WNK1: variants seen among roughly 807,000 people sequenced by gnomAD.
The protein encoded by WNK1 is WNK lysine deficient protein kinase 1.
WNK1 carries 38 observed loss-of-function variants against 222.8 expected under a neutral mutation model. That is an observed-to-expected ratio of 0.17 (90% CI 0.13 to 0.22). The LOEUF (loss-of-function observed/expected upper bound fraction) is 0.22. Among genes scored for constraint, WNK1 ranks in the 10% least tolerant of loss-of-function variants. WNK1 has a pLI of 1.00. For missense variants in WNK1, 2,348 were observed against 2,918.4 expected (o/e 0.80, Z 4.50); for synonymous variants, 1,090 against 1,092.9 (o/e 1.00, Z 0.05).
chr12:833,995 A>C (rs1312829932), intron 4 of WNK1, among the ~76,000 whole-genome samples: 1 of 152,234 alleles, frequency 6.6e-6, no homozygotes, highest in Non-Finnish European at 1.5e-5. Flanking sequence ...AATGGAGACA[A>C]GCACTAAGGA....
intron 1 of WNK1, among the ~76,000 whole-genome samples, chr12:776,412 T>TTATGTG (rs371184829): frequency 6.8e-6 from 1 of 146,112 alleles, no homozygotes. Context: ...GTTTGTGTGT[T>TTATGTG]TGTGTGTGTG....
intron 1 of WNK1, among the ~76,000 whole-genome samples, chr12:806,307 G>A (rs1274314170): frequency 6.6e-6 from 1 of 152,146 alleles, no homozygotes; most frequent in Non-Finnish European, 1.5e-5. Context: ...GTAGTGGGTT[G>A]TTTTTGGAAA....
At chr12:792,751 G>T (rs1944964022) in intron 1 of WNK1, among the ~76,000 whole-genome samples, 1 of 151,802 alleles carries the variant, frequency 6.6e-6, no homozygotes, top group Admixed American at 6.6e-5. Flanking sequence ...TTACTCCTTT[G>T]CCCAGAGGCA....
At chr12:805,577 C>T (rs771075314) in intron 1 of WNK1, among the ~76,000 whole-genome samples, 9 of 152,050 alleles carry the variant, frequency 5.9e-5, no homozygotes, top group Non-Finnish European at 1.3e-4. Flanking sequence ...TGGCTGTCTT[C>T]CTTTATAAAT....
intron 9 of WNK1, among the ~76,000 whole-genome samples, chr12:877,051 CATT>C (rs1263996333): frequency 3.4e-4 from 37 of 109,308 alleles, no homozygotes; most frequent in Admixed American, 3.0e-3. Flanking sequence ...CCCTAAACTT[CATT>C]TTTTTTTTTT....
chr12:763,358 T>C lies in WNK1; in HGVS notation c.759+9034T>C, dbSNP rs928977509. 3.4e-5 allele frequency among the ~76,000 whole-genome samples: 5 copies of C among 146,398 alleles called. 1 individual carries two copies. Among genetic ancestry groups the C allele is most frequent in the Non-Finnish European group, 7.6e-5 (5 of 65,586 alleles). On this transcript the variant is annotated intron_variant, in intron 1 of 27. Coordinates refer to ENST00000315939, the MANE Select transcript of WNK1 (RefSeq NM_018979.4). ...CAACACTTTGGGAGGCCGAGGTTAG[T>C]GGATAACCTGAGGTCAGAAGTTGGA... is the stretch of plus-strand genomic sequence containing the variant.
At chr12:900,828 A>G in intron 26 of WNK1, 158 bp downstream of exon 26, 1 of 920,888 alleles carries the variant, frequency 1.1e-6, no homozygotes. Flanking sequence ...GTGGAGTGAT[A>G]ATGAGAATCG....
intron 1 of WNK1, among the ~76,000 whole-genome samples, chr12:790,689 A>G (rs1402706689): frequency 6.6e-6 from 1 of 152,224 alleles, no homozygotes; most frequent in African/African-American, 2.4e-5. Context: ...ACTGCTAATC[A>G]CAGTTTTAAA....
intron 8 of WNK1, among the ~76,000 whole-genome samples, 158 bp from the exon 9 acceptor site, chr12:871,106 CA>C (rs1223433567): frequency 6.6e-6 from 1 of 152,166 alleles, no homozygotes; most frequent in Non-Finnish European, 1.5e-5. Context: ...ATTTTTCTTA[CA>C]AAAGTTGACC....
chr12:898,528 G>T (rs373362600), intron 25 of WNK1, among the ~76,000 whole-genome samples: 18 of 150,168 alleles, frequency 1.2e-4, no homozygotes, highest in African/African-American at 4.4e-4. Flanking sequence ...TAAAATCAAA[G>T]AAATAGTTAA....
At chr12:882,510 T>C (rs1953265815) in intron 14 of WNK1, among the ~76,000 whole-genome samples, 1 of 152,236 alleles carries the variant, frequency 6.6e-6, no homozygotes, top group Admixed American at 6.5e-5. Context: ...AGTACTCTTC[T>C]CATTTCATGC....
chr12:879,410 TTAACAC>T (rs1459452413), intron 10 of WNK1, among the ~76,000 whole-genome samples, 157 bp from the exon 11 acceptor site: 1 of 151,250 alleles, frequency 6.6e-6, no homozygotes, highest in Non-Finnish European at 1.5e-5. Context: ...GCATATTAAC[TTAACAC>T]TAATGTATGC....
intron 1 of WNK1, among the ~76,000 whole-genome samples, chr12:797,041 T>G (rs1024776002): frequency 5.9e-5 from 9 of 152,214 alleles, no homozygotes; most frequent in Non-Finnish European, 1.2e-4. Flanking sequence ...ATATAAACAA[T>G]TCCCAGACTT....
intron 1 of WNK1, among the ~76,000 whole-genome samples, chr12:784,077 C>T (rs1944019372): frequency 6.7e-6 from 1 of 150,070 alleles, no homozygotes; most frequent in Non-Finnish European, 1.5e-5. Flanking sequence ...AAAAAGTATC[C>T]AGGCACAGTG....
chr12:869,238 A>G, intron 8 of WNK1: 5 of 1,317,390 alleles, frequency 3.8e-6, no homozygotes, highest in Non-Finnish European at 5.5e-6. Context: ...GAGTTTCCCC[A>G]TCTTTGGGGG....
intron 1 of WNK1, among the ~76,000 whole-genome samples, 166 bp downstream of exon 1, chr12:754,490 T>C (rs1389513236): frequency 6.6e-6 from 1 of 152,186 alleles, no homozygotes; most frequent in Non-Finnish European, 1.5e-5. Context: ...GTGGAGCATG[T>C]GCCTAGGTGT....
chr12:774,231 T>G (rs1251324181), intron 1 of WNK1, among the ~76,000 whole-genome samples: 1 of 152,234 alleles, frequency 6.6e-6, no homozygotes, highest in Non-Finnish European at 1.5e-5. Context: ...GGAAAGTTTT[T>G]ACCATTATTG....
chr12:822,087 C>CTTTTTTTTTTTTTTTTTTTTTT (rs376271992), intron 2 of WNK1, among the ~76,000 whole-genome samples: 2 of 71,430 alleles, frequency 2.8e-5, no homozygotes, highest in Non-Finnish European at 5.0e-5. Context: ...TGTCTTATAC[C>CTTTTTTTTTTTTTTTTTTTTTT]TTTTTTTTTT....
At chr12:901,125 A>G in intron 26 of WNK1, 1 of 285,294 alleles carries the variant, frequency 3.5e-6, no homozygotes, top group Non-Finnish European at 6.8e-6. Flanking sequence ...TTCCAAATAT[A>G]GCTCTGTTTA....
Sources: gnomAD v4.1 joint callset for allele counts (sites outside exome capture counted in the v4.1 genomes callset) on GRCh38, gnomAD v4.1.1 for gene constraint, MANE v1.5 for transcripts, NCBI Gene and HGNC (gene_info 2026-07-23, HGNC 2026-07-21) for gene names.